Variants in GRID2 observed in about 807,000 individuals in gnomAD.
GRID2 encodes glutamate ionotropic receptor delta type subunit 2.
GRID2 carries 33 observed loss-of-function variants against 114.8 expected under a neutral mutation model. The observed-to-expected ratio is 0.29, with a 90% CI of 0.22 to 0.38. The LOEUF is 0.38. Ranked by LOEUF, GRID2 falls within the 10% of genes least tolerant of loss-of-function variation. GRID2 has a pLI of 1.00. For synonymous variants in GRID2, 505 were observed against 449.9 expected (o/e 1.12, Z -1.55); for missense variants, 1,184 against 1,257.7 (o/e 0.94, Z 0.89).
At chr4:93,613,987 G>C (rs1399199381) in intron 13 of GRID2, among the ~76,000 whole-genome samples, 14 of 151,916 alleles carry the variant, frequency 9.2e-5, no homozygotes, top group Non-Finnish European at 2.1e-4. Context: ...AGGACCCTCT[G>C]AGCCAGGTGT....
At chr4:93,391,802 G>A (rs1230724151) in intron 8 of GRID2, among the ~76,000 whole-genome samples, 1 of 151,974 alleles carries the variant, frequency 6.6e-6, no homozygotes, top group Non-Finnish European at 1.5e-5. Context: ...TTAGGAGCAG[G>A]CTACTGTGCT....
intron 1 of GRID2, among the ~76,000 whole-genome samples, chr4:92,396,097 T>TA (rs1383505624): frequency 2.6e-5 from 4 of 151,916 alleles, no homozygotes; most frequent in African/African-American, 9.7e-5. Flanking sequence ...AATAAAGTGA[T>TA]ACCTTAAATG....
intron 13 of GRID2, among the ~76,000 whole-genome samples, chr4:93,579,277 T>G (rs573339636): frequency 3.3e-5 from 5 of 152,094 alleles, no homozygotes; most frequent in Non-Finnish European, 7.4e-5. Flanking sequence ...AGTTCCAGTG[T>G]CAAGCACCAG....
intron 1 of GRID2, among the ~76,000 whole-genome samples, chr4:92,403,271 A>G (rs1427544418): frequency 6.6e-6 from 1 of 152,102 alleles, no homozygotes; most frequent in Non-Finnish European, 1.5e-5. Context: ...CTTGAGTAGT[A>G]CTTTTAATTT....
intron 2 of GRID2, among the ~76,000 whole-genome samples, chr4:93,057,969 A>G (rs1325969098): frequency 6.6e-6 from 1 of 151,862 alleles, no homozygotes; most frequent in Non-Finnish European, 1.5e-5. Flanking sequence ...GTTGATGCAA[A>G]TAGTCATGCT....
chr4:93,645,222 A>T (rs189594285), intron 14 of GRID2, among the ~76,000 whole-genome samples: 8 of 152,298 alleles, frequency 5.3e-5, no homozygotes, highest in Admixed American at 5.2e-4. Context: ...ATCATTTTGA[A>T]ATCTTTAGCC....
At position 92,689,467 on chromosome 4, in the gene GRID2, C is replaced by T. The variant is rs138840157; in HGVS notation, c.244+99181C>T. 5.3e-5 allele frequency among the ~76,000 whole-genome samples: 8 copies of T among 152,308 alleles called. No homozygotes were observed. The East Asian group carries it at 5.8e-4, about 11-fold the overall frequency. On this transcript the variant is annotated intron_variant, in intron 2 of 15. Transcript: ENST00000282020. ...GGGGCCAGTTAGGAACTCGACCACA[C>T]AGCAGAAGGTGACTTGCGAGCAAGC...
chr4:93,255,430 GT>G (rs1403259526), intron 8 of GRID2, among the ~76,000 whole-genome samples: 2 of 151,932 alleles, frequency 1.3e-5, no homozygotes, highest in African/African-American at 4.8e-5. Flanking sequence ...AGGAGAAAAC[GT>G]TTTTGTTTTG....
At chr4:93,800,715 A>T (rs1445728378) in intron 1 of GRID2, among the ~76,000 whole-genome samples, 1 of 152,206 alleles carries the variant, frequency 6.6e-6, no homozygotes, top group Non-Finnish European at 1.5e-5. Flanking sequence ...CATTATAGTG[A>T]TGAAAGTTAT....
At chr4:92,773,328 C>G (rs1478017917) in intron 2 of GRID2, among the ~76,000 whole-genome samples, 2 of 152,088 alleles carry the variant, frequency 1.3e-5, no homozygotes, top group East Asian at 3.9e-4. Flanking sequence ...TTCTAGTTCC[C>G]TAAAATACCA....
At chr4:93,406,387 A>G (rs1766420740) in intron 9 of GRID2, among the ~76,000 whole-genome samples, 1 of 152,204 alleles carries the variant, frequency 6.6e-6, no homozygotes, top group Admixed American at 6.5e-5. Flanking sequence ...TTTACGAAGT[A>G]GAGATCAGAG....
chr4:93,199,960 T>G (rs934729154), intron 4 of GRID2, among the ~76,000 whole-genome samples: 4 of 152,182 alleles, frequency 2.6e-5, no homozygotes. Flanking sequence ...GGTTGGAGTT[T>G]CGTATGGCCA....
intron 14 of GRID2, among the ~76,000 whole-genome samples, chr4:93,762,723 A>G (rs529146587): frequency 1.3e-5 from 2 of 152,276 alleles, no homozygotes; most frequent in African/African-American, 4.8e-5. Context: ...ACAACAGAGA[A>G]GACCTCAGAT....
intron 13 of GRID2, among the ~76,000 whole-genome samples, chr4:93,616,626 A>T (rs116113195): frequency 0.19 from 22,422 of 119,350 alleles, 2,166 homozygotes; most frequent in East Asian, 0.45. Context: ...AAATAAATAT[A>T]AAAAAAAGTT....
chr4:93,536,373 C>G (rs566702000), intron 13 of GRID2, among the ~76,000 whole-genome samples: 5 of 151,930 alleles, frequency 3.3e-5, no homozygotes, highest in Admixed American at 6.6e-5. Flanking sequence ...GCTAAAGGAA[C>G]AGAATAGGGA....
intron 2 of GRID2, among the ~76,000 whole-genome samples, chr4:92,656,841 C>T (rs568884025): frequency 3.4e-4 from 52 of 151,606 alleles, no homozygotes; most frequent in African/African-American, 8.9e-4. Flanking sequence ...TAAGATGTGA[C>T]GTAATTAAGG....
chr4:92,465,782 T>C (rs1721722519), intron 1 of GRID2, among the ~76,000 whole-genome samples: 1 of 151,868 alleles, frequency 6.6e-6, no homozygotes, highest in Non-Finnish European at 1.5e-5. Flanking sequence ...AATACAGAGG[T>C]CAGTTCAATT....
At chr4:93,368,819 T>A (rs537536560) in intron 8 of GRID2, among the ~76,000 whole-genome samples, 1 of 152,308 alleles carries the variant, frequency 6.6e-6, no homozygotes, top group South Asian at 2.1e-4. Flanking sequence ...GAAGATAACC[T>A]GGAAAAATTT....
intron 4 of GRID2, among the ~76,000 whole-genome samples, chr4:93,127,840 A>T (rs1734415182): frequency 6.6e-6 from 1 of 151,566 alleles, no homozygotes; most frequent in South Asian, 2.1e-4. Context: ...ACATAGGGAG[A>T]CCCTATCTCT....
Sources: gnomAD v4.1 joint callset for allele counts (sites outside exome capture counted in the v4.1 genomes callset) on GRCh38, gnomAD v4.1.1 for gene constraint, MANE v1.5 for transcripts, NCBI Gene and HGNC (gene_info 2026-07-23, HGNC 2026-07-21) for gene names.